Variants in MCU observed in about 807,000 individuals in gnomAD.
MCU encodes calcium uniporter protein, mitochondrial.
In MCU, 12 loss-of-function variants were observed where a neutral mutation model predicts 45.2. The observed-to-expected ratio is 0.27, with a 90% CI of 0.17 to 0.43. MCU has a LOEUF of 0.43. Among genes scored for constraint, MCU ranks in the 20% least tolerant of loss-of-function variants. The pLI is 1.00. For missense variants in MCU, 324 were observed against 436.7 expected (o/e 0.74, Z 2.30); for synonymous variants, 160 against 165.1 (o/e 0.97, Z 0.24).
In MCU at chr10:72,886,636, G is replaced by A. The variant is rs1845779426; in HGVS notation, c.*814G>A. 6.6e-6 allele frequency: 1 copy of A among 152,290 alleles called. No individual in the cohort carries two copies. Among genetic ancestry groups the A allele is most frequent in the Non-Finnish European group, 1.5e-5 (1 of 68,032 alleles). The allele number at this position is 152,290 out of a possible 1,614,324, so 9.4% of individuals were successfully genotyped here. ...CTCTCCCTCCAGAACACAAATCAGA[G>A]GGAAAGGGGGTGTTCAGCTGTACTA... is the stretch of plus-strand genomic sequence containing the variant. On this transcript the variant is annotated 3_prime_UTR_variant, in exon 8 of 8. Coordinates refer to ENST00000373053, the MANE Select transcript of MCU (RefSeq NM_138357.3).
intron 6 of MCU, among the ~76,000 whole-genome samples, chr10:72,877,564 T>A (rs1176260521): frequency 1.3e-5 from 2 of 152,092 alleles, no homozygotes; most frequent in Non-Finnish European, 2.9e-5. Flanking sequence ...TACTAGGCAA[T>A]CAATCAGTCC....
intron 1 of MCU, among the ~76,000 whole-genome samples, chr10:72,711,947 C>T (rs1041572862): frequency 2.7e-5 from 4 of 150,900 alleles, no homozygotes; most frequent in African/African-American, 7.3e-5. Flanking sequence ...CTCCTGACCT[C>T]GTGATCCGCC....
chr10:72,703,788 C>T (rs993161733), intron 1 of MCU, among the ~76,000 whole-genome samples: 1 of 151,934 alleles, frequency 6.6e-6, no homozygotes. Flanking sequence ...CCCAGCTACT[C>T]CAGAGGCTGA....
intron 2 of MCU, among the ~76,000 whole-genome samples, chr10:72,848,306 T>G (rs1589494288): frequency 6.6e-6 from 1 of 152,194 alleles, no homozygotes; most frequent in Non-Finnish European, 1.5e-5. Context: ...AAAAGATTGA[T>G]TTGGCTTACA....
At chr10:72,692,975 T>A (rs2132638319) in intron 1 of MCU, 1 of 1,535,608 alleles carries the variant, frequency 6.5e-7, no homozygotes, top group South Asian at 1.2e-5. Flanking sequence ...TAAAGGTGCT[T>A]TTGGGGGTCC....
intron 1 of MCU, among the ~76,000 whole-genome samples, chr10:72,757,449 C>A (rs1843594688): frequency 6.6e-6 from 1 of 152,164 alleles, no homozygotes; most frequent in Admixed American, 6.5e-5. Flanking sequence ...AAAGAACATA[C>A]AGAAAGCTCT....
At chr10:72,737,352 C>T (rs1255058317) in intron 1 of MCU, among the ~76,000 whole-genome samples, 7 of 152,170 alleles carry the variant, frequency 4.6e-5, no homozygotes, top group Admixed American at 1.3e-4. Flanking sequence ...TTATTCTGTA[C>T]CTTCTGTGTA....
At chr10:72,745,039 A>T (rs1311584667) in intron 1 of MCU, among the ~76,000 whole-genome samples, 1 of 152,068 alleles carries the variant, frequency 6.6e-6, no homozygotes, top group Non-Finnish European at 1.5e-5. Context: ...AGTGTTTCAT[A>T]TTAATATTAT....
At chr10:72,782,023 C>G (rs115984243) in intron 1 of MCU, among the ~76,000 whole-genome samples, 1 of 152,154 alleles carries the variant, frequency 6.6e-6, no homozygotes, top group African/African-American at 2.4e-5. Flanking sequence ...ACTGCAGACT[C>G]CTCCCCACAG....
At chr10:72,728,936 A>G (rs1244410246) in intron 1 of MCU, among the ~76,000 whole-genome samples, 1 of 152,164 alleles carries the variant, frequency 6.6e-6, no homozygotes, top group African/African-American at 2.4e-5. Flanking sequence ...TAGAAAGACT[A>G]TGTTTCCAGT....
Position 72,868,855 on chromosome 10 carries a change from C to T in MCU, c.649C>T (p.Leu217=), listed in dbSNP as rs1360441306. The T allele has an allele frequency of 6.2e-7, 1 of 1,612,894 alleles. No individual in the cohort carries two copies. The highest frequency in any genetic ancestry group is 8.5e-7 in the Non-Finnish European group (1 of 1,179,694). ...GGATCTCAAAGAGCAGCTGGCTCCC[C>T]TGGAAAAGGTAAAACTTCCAATCTC... ...LEDLKEQLAP[L]EKVRIEISRK... is the part of the protein sequence containing the mutation. The change falls in exon 5 of 8, where the codon CTG becomes TTG. Residue 217 remains leucine (L), a synonymous_variant. Transcript: ENST00000373053.
chr10:72,750,140 A>T (rs1843473817), intron 1 of MCU, among the ~76,000 whole-genome samples: 1 of 152,112 alleles, frequency 6.6e-6, no homozygotes, highest in Non-Finnish European at 1.5e-5. Context: ...AAGTCACAGA[A>T]TTCATCAGTG....
At chr10:72,854,051 T>G (rs1432150583) in intron 2 of MCU, among the ~76,000 whole-genome samples, 3 of 152,010 alleles carry the variant, frequency 2.0e-5, no homozygotes, top group African/African-American at 2.4e-5. Context: ...GGAGAATCGC[T>G]TGAAGGTGGT....
intron 6 of MCU, among the ~76,000 whole-genome samples, chr10:72,873,603 T>G (rs1348702447): frequency 6.6e-6 from 1 of 152,110 alleles, no homozygotes; most frequent in Non-Finnish European, 1.5e-5. Context: ...AAGAGCTTTT[T>G]AGTTTGATAT....
At chr10:72,724,102 A>T (rs760495091) in intron 1 of MCU, among the ~76,000 whole-genome samples, 11 of 152,238 alleles carry the variant, frequency 7.2e-5, no homozygotes, top group Non-Finnish European at 1.3e-4. Flanking sequence ...TAAAAAATCA[A>T]TTCCCTATTA....
intron 1 of MCU, among the ~76,000 whole-genome samples, chr10:72,747,092 G>A (rs547481605): frequency 1.2e-4 from 18 of 152,286 alleles, no homozygotes; most frequent in Admixed American, 4.6e-4. Flanking sequence ...TTTAACTCTG[G>A]TTGCTTCCAC....
chr10:72,784,654 G>A (rs1844045158), intron 1 of MCU, among the ~76,000 whole-genome samples: 1 of 152,114 alleles, frequency 6.6e-6, no homozygotes, highest in Admixed American at 6.6e-5. Flanking sequence ...CACTGTGCAG[G>A]GAGTCAAGGG....
intron 1 of MCU, among the ~76,000 whole-genome samples, chr10:72,745,892 G>C (rs977937621): frequency 6.6e-6 from 1 of 151,930 alleles, no homozygotes; most frequent in Admixed American, 6.6e-5. Context: ...TAATTTTGAC[G>C]TGTATAGTTC....
At chr10:72,750,801 AC>A (rs1843483116) in intron 1 of MCU, among the ~76,000 whole-genome samples, 1 of 151,650 alleles carries the variant, frequency 6.6e-6, no homozygotes, top group Non-Finnish European at 1.5e-5. Flanking sequence ...CTCATCCCTA[AC>A]CCCCCTGACA....
Sources: allele counts gnomAD v4.1 joint callset (sites outside exome capture counted in the v4.1 genomes callset), GRCh38; gene constraint gnomAD v4.1.1; transcripts MANE v1.5; gene names NCBI Gene and HGNC (gene_info 2026-07-23, HGNC 2026-07-21).